SCYL2: variants seen among roughly 807,000 people sequenced by gnomAD.
SCYL2 encodes the protein SCY1-like protein 2.
Under a neutral mutation model 100.4 loss-of-function variants are expected in SCYL2, and 36 were observed. The ratio of observed to expected loss-of-function variants is 0.36; its 90% confidence interval spans 0.27 to 0.47. SCYL2 has a LOEUF of 0.47. Ranked by LOEUF, SCYL2 falls within the 20% of genes least tolerant of loss-of-function variation. The probability of loss-of-function intolerance (pLI) is 1.00; values close to 1 mark genes in which losing one functional copy is unlikely to be tolerated. For missense variants in SCYL2, 902 were observed against 1,083.9 expected, an observed-to-expected ratio of 0.83 and a Z score of 2.36; for synonymous variants, 330 against 359.2, an observed-to-expected ratio of 0.92 and a Z score of 0.92.
Position 100,309,420 on chromosome 12 carries a change from G to A in SCYL2, c.481-1624G>A, listed in dbSNP as rs73374467. Among the ~76,000 whole-genome samples, 1,264 of 152,134 alleles carry A rather than the reference G, an allele frequency of 8.3e-3. 18 individuals carry two copies. Among genetic ancestry groups the A allele is most frequent in the African/African-American group, 0.029 (1,209 of 41,502 alleles). On this transcript the variant is annotated intron_variant, in intron 4 of 17. Transcript: ENST00000360820. ...CTTCCTGCCCCTGGCAACCACAATTGTACTTTCTGTCTCTATGAATTTGAC... is the reference window on the plus strand; with the variant it reads ...CTTCCTGCCCCTGGCAACCACAATTATACTTTCTGTCTCTATGAATTTGAC...
chr12:100,293,840 TG>T (rs1306485974), intron 3 of SCYL2, among the ~76,000 whole-genome samples: 1 of 152,100 alleles, frequency 6.6e-6, no homozygotes, highest in Non-Finnish European at 1.5e-5. Flanking sequence ...AGCACAGGGT[TG>T]GGGGTAAGGT....
At chr12:100,272,623 A>G (rs2096288823) in intron 1 of SCYL2, among the ~76,000 whole-genome samples, 1 of 152,178 alleles carries the variant, frequency 6.6e-6, no homozygotes, top group Non-Finnish European at 1.5e-5. Context: ...TACATGTCCA[A>G]GTTGAGTTCT....
At chr12:100,315,438 C>A in intron 8 of SCYL2, 120 bp from the exon 9 acceptor site, 1 of 743,852 alleles carries the variant, frequency 1.3e-6, no homozygotes, top group East Asian at 2.9e-5. Context: ...CCAGTTTCAA[C>A]CATAAATTGT....
At chr12:100,337,181 T>TA (rs1952288540) in intron 16 of SCYL2, among the ~76,000 whole-genome samples, 1 of 152,288 alleles carries the variant, frequency 6.6e-6, no homozygotes, top group South Asian at 2.1e-4. Flanking sequence ...ATGCTGGAAA[T>TA]ACTTTTGCAC....
chr12:100,317,730 G>A (rs2096350611), intron 9 of SCYL2, 73 bp from the exon 10 acceptor site: 1 of 1,480,776 alleles, frequency 6.8e-7, no homozygotes, highest in Admixed American at 2.8e-5. Context: ...TTTTGAAGAA[G>A]CTTTACATTT....
intron 1 of SCYL2, among the ~76,000 whole-genome samples, chr12:100,271,281 AAGAG>A (rs1555315695): frequency 7.8e-6 from 1 of 128,906 alleles, no homozygotes; most frequent in African/African-American, 2.8e-5. Flanking sequence ...AAAAAAAAAA[AAGAG>A]AGAGAGAATA....
Position 100,339,059 on chromosome 12 carries a change from G to A in SCYL2, c.2677G>A (p.Ala893Thr), listed in dbSNP as rs367920703. The A allele has an allele frequency of 6.2e-7, 1 of 1,614,116 alleles. No individual in the cohort carries two copies. The highest frequency in any genetic ancestry group is 8.5e-7 in the Non-Finnish European group (1 of 1,179,988). Residue 893 changes from alanine to threonine, a missense_variant, in exon 18 of 18, where the codon GCT (alanine) becomes ACT (threonine). Physicochemically the swap from Ala to Thr is moderately conservative, Grantham distance 58. Coordinates refer to ENST00000360820, the MANE Select transcript of SCYL2 (RefSeq NM_017988.6). ...GTQMNVIGQS[A>T]FGMQGNPFFN... ...ACAGATGAACGTGATAGGACAATCT[G>A]CTTTTGGTATGCAGGGTAATCCTTT...
chr12:100,338,891 A>G lies in SCYL2; in HGVS notation c.2509A>G (p.Met837Val), dbSNP rs746698979. 6.2e-7 allele frequency: 1 copy of G among 1,614,156 alleles called. No homozygotes were observed. ...AKQTQQRPTD[M>V]SALNNLFGPQ... Reference sequence around the variant, plus strand: ...GCAGACCCAACAAAGACCCACAGATATGTCTGCCCTTAATAATCTCTTTGG... The same window carrying G: ...GCAGACCCAACAAAGACCCACAGATGTGTCTGCCCTTAATAATCTCTTTGG... Residue 837 changes from methionine (M) to valine (V), a missense_variant, in exon 18 of 18, where the codon ATG becomes GTG. Physicochemically the swap from Met to Val is conservative, Grantham distance 21. Transcript: ENST00000360820.
chr12:100,304,719 G>A (rs2096332010), intron 4 of SCYL2, among the ~76,000 whole-genome samples: 1 of 152,042 alleles, frequency 6.6e-6, no homozygotes, highest in Admixed American at 6.5e-5. Context: ...ATTGGATGAA[G>A]AGTCAAGACC....
intron 13 of SCYL2, among the ~76,000 whole-genome samples, chr12:100,329,917 A>G (rs900464297): frequency 2.0e-5 from 3 of 152,218 alleles, no homozygotes; most frequent in Admixed American, 6.5e-5. Flanking sequence ...TCCTAGCCAC[A>G]TGGGACTTTC....
intron 3 of SCYL2, among the ~76,000 whole-genome samples, chr12:100,295,297 G>A (rs2096318122): frequency 6.6e-6 from 1 of 152,004 alleles, no homozygotes; most frequent in Non-Finnish European, 1.5e-5. Context: ...AGACGGGGTG[G>A]CGGCCGGGCA....
intron 3 of SCYL2, chr12:100,296,752 T>C (rs865843352): frequency 1.4e-4 from 22 of 152,278 alleles, no homozygotes; most frequent in Middle Eastern, 3.4e-3. Context: ...AGTTTTTTTT[T>C]TTTTAACAGT....
Position 100,314,486 on chromosome 12 carries a change from TA to T in SCYL2, c.970-2del. On this transcript the variant is annotated splice_acceptor_variant, in intron 7 of 17. Coordinates refer to ENST00000360820, the MANE Select transcript of SCYL2 (RefSeq NM_017988.6). LOFTEE classifies it high-confidence loss of function. ...CAAAATACTTTATTTCCATTTTTTT[TA>T]GATTCCCTTCTTTGATGATGTTGGT... 1 of 1,577,198 alleles carries T rather than the reference TA, an allele frequency of 6.3e-7. No individual in the cohort carries two copies. The highest frequency in any genetic ancestry group is 8.7e-7 in the Non-Finnish European group (1 of 1,154,558).
chr12:100,332,405 A>T (rs992309913), intron 13 of SCYL2, among the ~76,000 whole-genome samples: 2 of 152,164 alleles, frequency 1.3e-5, no homozygotes, highest in African/African-American at 4.8e-5. Flanking sequence ...CCCAGACATC[A>T]GCTAAAGGCC....
chr12:100,289,355 GACTA>G (rs1442305591), intron 2 of SCYL2, among the ~76,000 whole-genome samples: 1 of 152,116 alleles, frequency 6.6e-6, no homozygotes, highest in African/African-American at 2.4e-5. Flanking sequence ...TAGTCCTGTG[GACTA>G]ACTGTTTGAA....
intron 6 of SCYL2, among the ~76,000 whole-genome samples, chr12:100,313,189 A>G (rs1327625095): frequency 6.6e-6 from 1 of 152,226 alleles, no homozygotes; most frequent in Non-Finnish European, 1.5e-5. Context: ...ACAGAACTTT[A>G]GTCATGGCAT....
chr12:100,331,379 A>T (rs577283078), intron 13 of SCYL2, among the ~76,000 whole-genome samples: 1 of 152,086 alleles, frequency 6.6e-6, no homozygotes, highest in African/African-American at 2.4e-5. Context: ...AGGGAAGGGT[A>T]GGTGGATCAC....
chr12:100,316,493 GGAATA>G (rs2096348895), intron 9 of SCYL2, among the ~76,000 whole-genome samples: 1 of 152,198 alleles, frequency 6.6e-6, no homozygotes, highest in African/African-American at 2.4e-5. Flanking sequence ...GCATTGTATA[GGAATA>G]GCTTATTAGT....
Position 100,339,254 on chromosome 12 carries a change from A to C in SCYL2, c.*82A>C. On this transcript the variant is annotated 3_prime_UTR_variant, in exon 18 of 18. Coordinates refer to ENST00000360820, the MANE Select transcript of SCYL2 (RefSeq NM_017988.6). ...TTACATCTTTATATAGTTGGCTTGG[A>C]GGAAGTACTTCTATGGGAAAGTGAA... is the stretch of plus-strand genomic sequence containing the variant. 7.4e-7 allele frequency: 1 copy of C among 1,348,922 alleles called. No individual in the cohort carries two copies. The highest frequency in any genetic ancestry group is 1.0e-6 in the Non-Finnish European group (1 of 983,178). The allele number at this position is 1,348,922 out of a possible 1,614,324, so 83.6% of individuals were successfully genotyped here. A position where few individuals can be genotyped will look rare whatever the true frequency, so the allele number is the denominator to read the frequency against.
Sources: gnomAD v4.1 joint callset for allele counts (sites outside exome capture counted in the v4.1 genomes callset) on GRCh38, gnomAD v4.1.1 for gene constraint, MANE v1.5 for transcripts, NCBI Gene and HGNC (gene_info 2026-07-23, HGNC 2026-07-21) for gene names.